The following GARS1 variants were observed in gnomAD, a reference collection of about 807,000 sequenced individuals.
GARS1 encodes the protein glycyl-tRNA synthetase 1, also known as glycine--tRNA ligase.
Under a neutral mutation model 86.4 loss-of-function variants are expected in GARS1, and 46 were observed. That is an observed-to-expected ratio of 0.53 (90% CI 0.42 to 0.68). The LOEUF (loss-of-function observed/expected upper bound fraction) is 0.68, where lower values mean the gene tolerates loss of function less well. Ranked by LOEUF, GARS1 falls within the 30% of genes least tolerant of loss-of-function variation. The pLI is 0.00. For synonymous variants in GARS1, 342 were observed against 329.8 expected, an observed-to-expected ratio of 1.04 and a Z score of -0.40; for missense variants, 797 against 915.6, an observed-to-expected ratio of 0.87 and a Z score of 1.67.
chr7:30,610,270 A>G (rs982849624), intron 7 of GARS1, among the ~76,000 whole-genome samples: 1 of 152,206 alleles, frequency 6.6e-6, no homozygotes, highest in Non-Finnish European at 1.5e-5. Context: ...GTCCTACCAT[A>G]TTGGACAGCA....
At chr7:30,613,083 A>G (rs995504510) in intron 8 of GARS1, among the ~76,000 whole-genome samples, 3 of 152,182 alleles carry the variant, frequency 2.0e-5, no homozygotes, top group Admixed American at 2.0e-4. Context: ...CTGTAATTAC[A>G]GACTTGGGTC....
intron 3 of GARS1, among the ~76,000 whole-genome samples, chr7:30,600,734 G>C (rs1791356159): frequency 6.6e-6 from 1 of 152,216 alleles, no homozygotes. Flanking sequence ...ATTGTTATCA[G>C]ATGTGGTGAG....
intron 7 of GARS1, among the ~76,000 whole-genome samples, chr7:30,610,074 A>G (rs941397384): frequency 6.6e-6 from 1 of 152,220 alleles, no homozygotes; most frequent in African/African-American, 2.4e-5. Flanking sequence ...CATTTAGTTT[A>G]GCATGCTACT....
At chr7:30,633,290 G>C (rs768439127) in intron 16 of GARS1, among the ~76,000 whole-genome samples, 15 of 152,132 alleles carry the variant, frequency 9.9e-5, no homozygotes, top group South Asian at 4.1e-4. Flanking sequence ...AGAGGCAGAG[G>C]GGGCAGGCAG....
At position 30,612,269 on chromosome 7, in the gene GARS1, A is replaced by G. The variant is rs199614355; in HGVS notation, c.1031+24A>G. 5.8e-4 allele frequency: 930 copies of G among 1,608,186 alleles called. 15 individuals carry two copies. The South Asian group carries it at 8.4e-3, about 15-fold the overall frequency. ...AGGTACTGCTCAGGTTACTCTTACA[A>G]ATTAGTGAATGACCTTGGCATTGCA... On this transcript the variant is annotated intron_variant, in intron 8 of 16. Transcript: ENST00000389266.
chr7:30,620,660 A>G (rs1418161110), intron 10 of GARS1, among the ~76,000 whole-genome samples: 1 of 152,236 alleles, frequency 6.6e-6, no homozygotes, highest in Non-Finnish European at 1.5e-5. Flanking sequence ...ACCTGGCATC[A>G]ATGTGATCAT....
At chr7:30,624,720 C>T (rs1051106292) in intron 12 of GARS1, among the ~76,000 whole-genome samples, 1 of 151,988 alleles carries the variant, frequency 6.6e-6, no homozygotes, top group African/African-American at 2.4e-5. Context: ...GGAAAAGGAA[C>T]AAAGAACAGA....
chr7:30,603,589 T>C lies in GARS1; in HGVS notation c.735+17T>C. 1 of 1,576,628 alleles carries C rather than the reference T, an allele frequency of 6.3e-7. No homozygotes were observed. The highest frequency in any genetic ancestry group is 2.2e-5 in the East Asian group (1 of 44,706). ...TTGGCCCAGGTGAGTACTCTAGAGATGTTATCAGAGTAACCTAGGTGGTCG... is the reference window on the plus strand; with the variant it reads ...TTGGCCCAGGTGAGTACTCTAGAGACGTTATCAGAGTAACCTAGGTGGTCG... On this transcript the variant is annotated intron_variant, in intron 6 of 16. Coordinates refer to ENST00000389266, the MANE Select transcript of GARS1 (RefSeq NM_002047.4).
intron 1 of GARS1, 73 bp from the exon 2 acceptor site, chr7:30,598,723 G>A (rs375590376): frequency 2.9e-5 from 38 of 1,288,164 alleles, no homozygotes; most frequent in Non-Finnish European, 4.0e-5. Context: ...TAAAAGGCAC[G>A]CTTAAAAACA....
chr7:30,603,231 A>G, intron 5 of GARS1, 109 bp downstream of exon 5: 1 of 913,090 alleles, frequency 1.1e-6, no homozygotes. Flanking sequence ...TTCAAAGAGC[A>G]AAGTGCACAG....
chr7:30,632,548 A>G lies in GARS1; in HGVS notation c.2094+111A>G, dbSNP rs1186670645. 9.5e-6 allele frequency: 11 copies of G among 1,152,876 alleles called. No individual in the cohort carries two copies. The highest frequency in any genetic ancestry group is 2.5e-5 in the East Asian group (1 of 39,594). 71.4% of individuals were successfully genotyped at this position (1,152,876 alleles called of 1,614,324 possible). A position where few individuals can be genotyped will look rare whatever the true frequency, so the allele number is the denominator to read the frequency against. On this transcript the variant is annotated intron_variant, in intron 16 of 16. Transcript: ENST00000389266. The surrounding 1 kb of genome is among the most constrained non-coding windows in gnomAD (Gnocchi z 4.1). ...CTCCCTTTCCTTTTTTTTTCTTTTT[A>G]ATTTTAATGAACGGCTTGTATCAGA...
At position 30,622,415 on chromosome 7, in the gene GARS1, T is replaced by C; in HGVS notation, c.1566T>C (p.Cys522=). 2.5e-6 allele frequency: 4 copies of C among 1,614,156 alleles called. No homozygotes were observed. Among genetic ancestry groups the C allele is most frequent in the Non-Finnish European group, 1.7e-6 (2 of 1,180,014 alleles). ...AKLVMEYLAI[C]DECYITEMEM... is the part of the protein sequence containing the mutation. ...TGGTGATGGAGTATCTTGCCATTTG[T>C]GATGAGTGCTACATTACAGAAATGG... Residue 522 remains cysteine, a synonymous_variant, in exon 12 of 17, where the codon TGT becomes TGC. Transcript: ENST00000389266.
intron 9 of GARS1, among the ~76,000 whole-genome samples, chr7:30,616,701 G>C (rs1032689379): frequency 6.6e-6 from 1 of 152,192 alleles, no homozygotes; most frequent in Non-Finnish European, 1.5e-5. Context: ...ACTCTACGGG[G>C]TTCACAAATT....
chr7:30,610,397 A>G (rs1034179639), intron 7 of GARS1, among the ~76,000 whole-genome samples: 2 of 152,174 alleles, frequency 1.3e-5, no homozygotes, highest in Admixed American at 6.5e-5. Flanking sequence ...CCACTGTTTA[A>G]CAGACTTAGC....
At chr7:30,627,023 C>A in intron 13 of GARS1, 1 of 446,546 alleles carries the variant, frequency 2.2e-6, no homozygotes, top group Non-Finnish European at 4.6e-6. Flanking sequence ...ATGTTGCATG[C>A]TTTTTTAAAA....
intron 10 of GARS1, among the ~76,000 whole-genome samples, chr7:30,620,346 T>G (rs1782979739): frequency 6.6e-6 from 1 of 152,170 alleles, no homozygotes; most frequent in South Asian, 2.1e-4. Flanking sequence ...GGTGCCAGCA[T>G]CGTCTGATCC....
chr7:30,622,394 G>A lies in GARS1; in HGVS notation c.1545G>A (p.Val515=), dbSNP rs1001474075. ...GKAYKKDAKL[V]MEYLAICDEC... ...CATATAAGAAGGATGCAAAACTGGT[G>A]ATGGAGTATCTTGCCATTTGTGATG... The change falls in exon 12 of 17, where the codon GTG becomes GTA. Residue 515 remains valine (V), a synonymous_variant. Coordinates refer to ENST00000389266, the MANE Select transcript of GARS1 (RefSeq NM_002047.4). 6.2e-7 allele frequency: 1 copy of A among 1,614,124 alleles called. No homozygotes were observed. Among genetic ancestry groups the A allele is most frequent in the Non-Finnish European group, 8.5e-7 (1 of 1,179,990 alleles).
chr7:30,603,179 C>G, intron 5 of GARS1, 57 bp downstream of exon 5: 2 of 1,390,266 alleles, frequency 1.4e-6, no homozygotes, highest in Non-Finnish European at 2.0e-6. Context: ...TTTAAACTTT[C>G]TCTCAGATGT....
chr7:30,632,362 CTT>C lies in GARS1; in HGVS notation c.2021_2022del (p.Phe674Ter). Reference protein sequence around the residue: ...IGVAFGVTIDFDTVNKTPHTA... With the variant: ...IGVAFGVTIDXDTVNKTPHTA... Reference sequence around the variant, plus strand: ...GCGTGGCTTTTGGTGTCACCATTGACTTTGACACAGTGAACAAGACCCCCCAC... The same window carrying C: ...GCGTGGCTTTTGGTGTCACCATTGACTGACACAGTGAACAAGACCCCCCAC... On this transcript the variant is annotated frameshift_variant, in exon 16 of 17. Coordinates refer to ENST00000389266, the MANE Select transcript of GARS1 (RefSeq NM_002047.4). LOFTEE classifies it high-confidence loss of function. This position sits in a 1 kb window ranked among gnomAD's most constrained non-coding sequence, Gnocchi z 4.1. 1 of 1,614,166 alleles carries C rather than the reference CTT, an allele frequency of 6.2e-7. No homozygotes were observed. The highest frequency in any genetic ancestry group is 8.5e-7 in the Non-Finnish European group (1 of 1,180,010).
Sources: gnomAD v4.1 joint callset for allele counts (sites outside exome capture counted in the v4.1 genomes callset) on GRCh38, gnomAD v4.1.1 for gene constraint, Gnocchi (gnomAD v3.1) non-coding constraint, MANE v1.5 for transcripts, NCBI Gene and HGNC (gene_info 2026-07-23, HGNC 2026-07-21) for gene names.